The following MERTK variants were observed in gnomAD, a reference collection of about 807,000 sequenced individuals.
MERTK encodes the protein MER proto-oncogene, tyrosine kinase.
Under a neutral mutation model 99.3 loss-of-function variants are expected in MERTK, and 69 were observed. The observed-to-expected ratio is 0.70, with a 90% confidence interval of 0.57 to 0.85. The LOEUF is 0.85. Ranked by LOEUF, MERTK falls within the 40% of genes least tolerant of loss-of-function variation. The pLI is 0.00. For missense variants in MERTK, 1,125 were observed against 1,249.4 expected (o/e 0.90, Z 1.50); for synonymous variants, 426 against 467.6 (o/e 0.91, Z 1.15).
At chr2:111,963,265 A>G (rs896740397) in intron 4 of MERTK, among the ~76,000 whole-genome samples, 4 of 152,206 alleles carry the variant, frequency 2.6e-5, no homozygotes, top group Non-Finnish European at 5.9e-5. Context: ...TGGAACATAC[A>G]ATGGGGTTTT....
intron 1 of MERTK, among the ~76,000 whole-genome samples, chr2:111,900,270 A>G (rs948094112): frequency 1.2e-4 from 18 of 152,220 alleles, no homozygotes; most frequent in African/African-American, 4.3e-4. Context: ...TTTGCACGTT[A>G]AATTACATAA....
At chr2:111,976,742 T>C (rs1186813948) in intron 7 of MERTK, among the ~76,000 whole-genome samples, 3 of 151,656 alleles carry the variant, frequency 2.0e-5, no homozygotes, top group African/African-American at 7.2e-5. Flanking sequence ...TTTAAAAATA[T>C]TATTTTTATA....
At chr2:111,971,805 G>T (rs894194473) in intron 6 of MERTK, among the ~76,000 whole-genome samples, 4 of 152,174 alleles carry the variant, frequency 2.6e-5, no homozygotes, top group African/African-American at 7.2e-5. Context: ...TTGTGCATGT[G>T]GTTTAGGTCT....
At chr2:111,952,015 T>C (rs1685067661) in intron 4 of MERTK, 1 of 152,234 alleles carries the variant, frequency 6.6e-6, no homozygotes, top group African/African-American at 2.4e-5. Context: ...ATGTGCAAAC[T>C]ATTTTAATAC....
intron 4 of MERTK, among the ~76,000 whole-genome samples, chr2:111,950,134 G>A (rs1685028977): frequency 6.6e-6 from 1 of 152,058 alleles, no homozygotes; most frequent in Admixed American, 6.5e-5. Flanking sequence ...CAGGGTTTCA[G>A]CATGTTGGTC....
At chr2:111,975,013 G>A (rs1000804704) in intron 6 of MERTK, among the ~76,000 whole-genome samples, 16 of 152,122 alleles carry the variant, frequency 1.1e-4, no homozygotes, top group Admixed American at 5.2e-4. Context: ...AGTATAATAT[G>A]AATTCTAATC....
chr2:111,899,644 A>C (rs1305480454), intron 1 of MERTK, among the ~76,000 whole-genome samples: 1 of 151,856 alleles, frequency 6.6e-6, no homozygotes, highest in Non-Finnish European at 1.5e-5. Context: ...CAGCCTCCCG[A>C]GTAGCTGAGA....
intron 4 of MERTK, among the ~76,000 whole-genome samples, chr2:111,955,078 G>GA (rs59211960): frequency 0.53 from 80,570 of 151,342 alleles, 21,596 homozygotes; most frequent in South Asian, 0.56. Flanking sequence ...TGTTCCCAGG[G>GA]GACGCCATTC....
At chr2:112,007,085 A>G (rs1424839246) in intron 13 of MERTK, among the ~76,000 whole-genome samples, 1 of 152,170 alleles carries the variant, frequency 6.6e-6, no homozygotes, top group African/African-American at 2.4e-5. Flanking sequence ...TTAAGTGTAC[A>G]ATTCAGTGGT....
chr2:112,024,603 C>T (rs1448811793), intron 18 of MERTK, among the ~76,000 whole-genome samples: 1 of 152,210 alleles, frequency 6.6e-6, no homozygotes, highest in South Asian at 2.1e-4. Context: ...CCCAAAGAGG[C>T]CTCTGTTCCA....
intron 2 of MERTK, among the ~76,000 whole-genome samples, chr2:111,940,003 G>A (rs1684832509): frequency 6.6e-6 from 1 of 151,946 alleles, no homozygotes; most frequent in African/African-American, 2.4e-5. Flanking sequence ...GGTTCCCTCT[G>A]GGTCTGGGGT....
Position 112,028,981 on chromosome 2 carries a change from A to G in MERTK, c.*117A>G. 1.3e-6 allele frequency: 2 copies of G among 1,585,688 alleles called. No homozygotes were observed. The highest frequency in any genetic ancestry group is 2.3e-5 in the South Asian group (2 of 87,166). On this transcript the variant is annotated 3_prime_UTR_variant, in exon 19 of 19. Coordinates refer to ENST00000295408, the MANE Select transcript of MERTK (RefSeq NM_006343.3). ...CTTACCAAGTGAACTCCATGGCCCC[A>G]AAGCACCAGATGAATGTTGTTAAGT...
intron 13 of MERTK, 126 bp downstream of exon 13, chr2:112,004,110 C>G: frequency 1.3e-6 from 1 of 778,516 alleles, no homozygotes; most frequent in Non-Finnish European, 2.3e-6. Context: ...GAACACTGGT[C>G]ACCAAGGGGG....
At position 111,968,137 on chromosome 2, in the gene MERTK, C is replaced by T. The variant is rs772663707; in HGVS notation, c.845C>T (p.Ala282Val). 2 of 1,605,212 alleles carry T rather than the reference C, an allele frequency of 1.2e-6. No individual in the cohort carries two copies. The highest frequency in any genetic ancestry group is 3.3e-5 in the Admixed American group (2 of 59,956). ...VSKGVQINIK[A>V]IPSPPTEVSI... is the part of the protein sequence containing the mutation. Reference sequence around the variant, plus strand: ...TGTGTGTGTGTTTTGTTTTATGCAGCAATTCCCTCCCCACCAACTGAAGTC... The same window carrying T: ...TGTGTGTGTGTTTTGTTTTATGCAGTAATTCCCTCCCCACCAACTGAAGTC... Residue 282 changes from alanine to valine, a missense_variant and splice_region_variant, in exon 6 of 19, where the codon GCA (alanine) becomes GTA (valine). Coordinates refer to ENST00000295408, the MANE Select transcript of MERTK (RefSeq NM_006343.3).
chr2:112,009,890 C>T, intron 14 of MERTK, 58 bp from the exon 15 acceptor site: 1 of 1,342,690 alleles, frequency 7.4e-7, no homozygotes, highest in Non-Finnish European at 1.1e-6. Flanking sequence ...TCCACGAGGG[C>T]TTTTCTGGTC....
In MERTK at chr2:111,997,377, T is replaced by C; in HGVS notation, c.1505T>C (p.Val502Ala). Residue 502 changes from valine to alanine, a missense_variant, in exon 10 of 19, where the codon GTG becomes GCG. By Grantham distance (64) the Val-to-Ala change is moderately conservative (BLOSUM62 0). Transcript: ENST00000295408. ...CCGGCGCCTGGCAACGCAGATCCTG[T>C]GCTCATCATCTTTGGCTGCTTTTGT... ...STPAPGNADP[V>A]LIIFGCFCGF... The C allele has an allele frequency of 6.2e-7, 1 of 1,614,210 alleles. No homozygotes were observed. Among genetic ancestry groups the C allele is most frequent in the Non-Finnish European group, 8.5e-7 (1 of 1,180,018 alleles).
In MERTK at chr2:111,927,293, G is replaced by T. The variant is rs1368680851; in HGVS notation, c.62-1827G>T. 2.0e-5 allele frequency among the ~76,000 whole-genome samples: 3 copies of T among 152,212 alleles called. No individual in the cohort carries two copies. The East Asian group carries it at 5.8e-4, about 29-fold the overall frequency. On this transcript the variant is annotated intron_variant, in intron 1 of 18. Coordinates refer to ENST00000295408, the MANE Select transcript of MERTK (RefSeq NM_006343.3). Reference sequence around the variant, plus strand: ...TGGGAGAGGGAGCTGCATGGCAAGGGCTCCCAGACAGGGGTATGCCCTTCA... The same window carrying T: ...TGGGAGAGGGAGCTGCATGGCAAGGTCTCCCAGACAGGGGTATGCCCTTCA...
chr2:112,010,914 C>T (rs983209934), intron 15 of MERTK, among the ~76,000 whole-genome samples: 4 of 152,180 alleles, frequency 2.6e-5, no homozygotes, highest in Non-Finnish European at 5.9e-5. Flanking sequence ...GGTTGGGACA[C>T]ATGTGGGAAC....
chr2:111,944,999 C>T lies in MERTK; in HGVS notation c.522C>T (p.Ile174=), dbSNP rs1433036215. Residue 174 remains isoleucine, a synonymous_variant, in exon 3 of 19, where the codon ATC becomes ATT. Coordinates refer to ENST00000295408, the MANE Select transcript of MERTK (RefSeq NM_006343.3). The part of the protein sequence containing the change: ...SVQRSDNGSY[I]CKMKINNEEI... ...AGCGTTCAGACAATGGGTCGTATAT[C>T]TGTAAGATGAAAATAAACAATGAAG... 1 of 1,613,698 alleles carries T rather than the reference C, an allele frequency of 6.2e-7. No individual in the cohort carries two copies.
Sources: allele counts gnomAD v4.1 joint callset (sites outside exome capture counted in the v4.1 genomes callset), GRCh38; gene constraint gnomAD v4.1.1; transcripts MANE v1.5; gene names NCBI Gene and HGNC (gene_info 2026-07-23, HGNC 2026-07-21).